RYR3: variants seen among roughly 807,000 people sequenced by gnomAD.
RYR3 encodes brain ryanodine receptor-calcium release channel.
Under a neutral mutation model 584.3 loss-of-function variants are expected in RYR3, and 207 were observed. The observed-to-expected ratio is 0.35, with a 90% confidence interval of 0.32 to 0.40. The LOEUF (loss-of-function observed/expected upper bound fraction) is 0.40, where lower values mean the gene tolerates loss of function less well. Among genes scored for constraint, RYR3 ranks in the 10% least tolerant of loss-of-function variants. The pLI is 1.00. For missense variants in RYR3, 5,616 were observed against 6,089.2 expected, an observed-to-expected ratio of 0.92 and a Z score of 2.59; for synonymous variants, 2,416 against 2,248.5, an observed-to-expected ratio of 1.07 and a Z score of -2.11.
At chr15:33,699,052 G>A (rs1311327452) in intron 40 of RYR3, among the ~76,000 whole-genome samples, 1 of 152,134 alleles carries the variant, frequency 6.6e-6, no homozygotes, top group Non-Finnish European at 1.5e-5. Flanking sequence ...CAAATTACAA[G>A]TGCTATGGAA....
chr15:33,777,151 G>A (rs1469367223), intron 64 of RYR3, among the ~76,000 whole-genome samples: 1 of 152,256 alleles, frequency 6.6e-6, no homozygotes, highest in African/African-American at 2.4e-5. Context: ...TAGCAGCACT[G>A]CACTCCAGCC....
chr15:33,442,119 A>C (rs993096879), intron 1 of RYR3, among the ~76,000 whole-genome samples: 5 of 152,214 alleles, frequency 3.3e-5, no homozygotes, highest in Non-Finnish European at 7.3e-5. Flanking sequence ...GTGTGTGCCA[A>C]GCAAATAAAA....
rs530570494 is a variant in RYR3 at position 33,798,585 on chromosome 15, A to C, written c.9831-2185A>C. Among the ~76,000 whole-genome samples the C allele has an allele frequency of 7.2e-5, 11 of 152,348 alleles. No homozygotes were observed. The East Asian group carries it at 1.7e-3, about 24-fold the overall frequency. ...AGGTTTATTTCCAGGAGGCCCATCCAACAACTTCTACATTCATCTTATTGA... is the reference window on the plus strand; with the variant it reads ...AGGTTTATTTCCAGGAGGCCCATCCCACAACTTCTACATTCATCTTATTGA... On this transcript the variant is annotated intron_variant, in intron 67 of 103. Coordinates refer to ENST00000634891, the MANE Select transcript of RYR3 (RefSeq NM_001036.6).
Position 33,676,764 on chromosome 15 carries a change from C to T in RYR3, c.5860+6208C>T, listed in dbSNP as rs79232207. ...GACTCCGAGGTGTTAAGCAACTTGC[C>T]TACCTCACAGGTGGCAAAGCAGGCA... On this transcript the variant is annotated intron_variant, in intron 38 of 103. Transcript: ENST00000634891. Among the ~76,000 whole-genome samples, 735 of 152,326 alleles carry T rather than the reference C, an allele frequency of 4.8e-3. 6 individuals are homozygous for T. The highest frequency in any genetic ancestry group is 0.017 in the African/African-American group (704 of 41,566).
intron 75 of RYR3, among the ~76,000 whole-genome samples, chr15:33,818,292 C>G (rs1216936272): frequency 1.3e-5 from 2 of 152,146 alleles, no homozygotes; most frequent in African/African-American, 4.8e-5. Context: ...TAGCTATTCC[C>G]TTTATGGGCA....
At chr15:33,745,037 G>A (rs2070547708) in intron 52 of RYR3, among the ~76,000 whole-genome samples, 1 of 152,202 alleles carries the variant, frequency 6.6e-6, no homozygotes, top group South Asian at 2.1e-4. Flanking sequence ...ACCCCAGTGA[G>A]AGCTAATGGT....
In RYR3 at chr15:33,865,506, C is replaced by CTAGTT; in HGVS notation, c.*281_*285dup. ...TTCAAGTTTTCCAGTTCTGAGGTAA[C>CTAGTT]TAGTTCAGTTTGTTGGGATGGAAGC... On this transcript the variant is annotated 3_prime_UTR_variant, in exon 104 of 104. Coordinates refer to ENST00000634891, the MANE Select transcript of RYR3 (RefSeq NM_001036.6). 2.7e-6 allele frequency: 1 copy of CTAGTT among 367,948 alleles called. No individual in the cohort carries two copies. Among genetic ancestry groups the CTAGTT allele is most frequent in the South Asian group, 4.5e-5 (1 of 22,108 alleles). The allele number at this position is 367,948 out of a possible 1,614,324, so 22.8% of individuals were successfully genotyped here.
intron 38 of RYR3, among the ~76,000 whole-genome samples, chr15:33,672,276 C>T (rs2063894340): frequency 6.6e-6 from 1 of 152,144 alleles, no homozygotes; most frequent in African/African-American, 2.4e-5. Context: ...TGTTCGGGCA[C>T]CAAGGATTGC....
intron 54 of RYR3, 62 bp from the exon 55 acceptor site, chr15:33,748,406 G>C: frequency 6.4e-7 from 1 of 1,562,814 alleles, no homozygotes; most frequent in Admixed American, 1.7e-5. Flanking sequence ...CTGAAGTTGG[G>C]GATGCCTGAT....
chr15:33,793,943 AAT>A (rs899733914), intron 67 of RYR3, among the ~76,000 whole-genome samples: 1 of 139,722 alleles, frequency 7.2e-6, no homozygotes, highest in African/African-American at 2.6e-5. Context: ...TACATATATA[AAT>A]ATATATTTAT....
At chr15:33,334,336 A>G (rs149177599) in intron 1 of RYR3, among the ~76,000 whole-genome samples, 74 of 152,332 alleles carry the variant, frequency 4.9e-4, no homozygotes, top group African/African-American at 1.4e-3. Flanking sequence ...GAACAGACAC[A>G]TAGACCGATG....
intron 1 of RYR3, among the ~76,000 whole-genome samples, chr15:33,393,084 A>T (rs547394298): frequency 2.0e-5 from 3 of 152,202 alleles, no homozygotes; most frequent in Admixed American, 1.3e-4. Context: ...TCTCTGTCAC[A>T]TGGAACCAGC....
chr15:33,821,314 G>T lies in RYR3; in HGVS notation c.10860G>T (p.Arg3620=), dbSNP rs1170556101. Residue 3620 remains arginine, a synonymous_variant, in exon 79 of 104, where the codon CGG becomes CGT. Transcript: ENST00000634891. ...AAAAAACCCTCTATCAGCAAGCTCG[G>T]CTGCATGAGCGTGGTGCTGCAGAGA... The part of the protein sequence containing the change: ...EKQKTLYQQA[R]LHERGAAEMV... 1.2e-6 allele frequency: 2 copies of T among 1,604,120 alleles called. No individual in the cohort carries two copies. The highest frequency in any genetic ancestry group is 2.2e-5 in the East Asian group (1 of 44,550).
chr15:33,834,249 A>C (rs1226019378), intron 86 of RYR3, among the ~76,000 whole-genome samples: 2 of 150,994 alleles, frequency 1.3e-5, no homozygotes, highest in Non-Finnish European at 2.9e-5. Context: ...ATGCCACTGC[A>C]CTCCAGCATG....
chr15:33,344,318 T>C (rs1375961530), intron 1 of RYR3, among the ~76,000 whole-genome samples: 2 of 152,228 alleles, frequency 1.3e-5, no homozygotes, highest in African/African-American at 2.4e-5. Context: ...GGTTGAGTCA[T>C]GAAAAGTAAT....
At position 33,838,807 on chromosome 15, in the gene RYR3, A is replaced by G. The variant is rs1334200398; in HGVS notation, c.12827A>G (p.Asp4276Gly). 3 of 1,613,806 alleles carry G rather than the reference A, an allele frequency of 1.9e-6. No individual in the cohort carries two copies. The highest frequency in any genetic ancestry group is 2.5e-6 in the Non-Finnish European group (3 of 1,179,858). ...HFIKGEKGDT[D>G]IMSDLFGLHP... ...ATAAAGGGGGAGAAGGGAGATACAG[A>G]TATCATGTCAGACCTCTTTGGACTC... is the stretch of plus-strand genomic sequence containing the variant. Residue 4276 changes from aspartate to glycine, a missense_variant, in exon 89 of 104, where the codon GAT becomes GGT. Physicochemically the swap from Asp to Gly is moderately conservative, Grantham distance 94. Around this residue, in one of 9 missense-constraint regions of RYR3, gnomAD observed 918 missense variants for 887.4 expected, o/e 1.03. Transcript: ENST00000634891.
intron 32 of RYR3, among the ~76,000 whole-genome samples, chr15:33,656,211 G>A (rs923864550): frequency 6.6e-6 from 1 of 152,308 alleles, no homozygotes; most frequent in Admixed American, 6.5e-5. Flanking sequence ...GTCCATTATT[G>A]CAAGGACAAA....
intron 1 of RYR3, among the ~76,000 whole-genome samples, chr15:33,405,086 A>T (rs1031327617): frequency 1.3e-5 from 2 of 152,334 alleles, no homozygotes; most frequent in Non-Finnish European, 2.9e-5. Flanking sequence ...GATAATGTTT[A>T]TGGAAACATT....
chr15:33,584,568 T>C, intron 15 of RYR3, 78 bp downstream of exon 15: 1 of 690,032 alleles, frequency 1.4e-6, no homozygotes, highest in South Asian at 1.9e-5. Flanking sequence ...AAAACAAAGT[T>C]GAATCTTTTC....
Sources: allele counts gnomAD v4.1 joint callset (sites outside exome capture counted in the v4.1 genomes callset), GRCh38; gene constraint gnomAD v4.1.1; regional missense constraint gnomAD v4.1.1; transcripts MANE v1.5; gene names NCBI Gene and HGNC (gene_info 2026-07-23, HGNC 2026-07-21).